Variants in SLIT2 observed in about 807,000 individuals in gnomAD.
The protein encoded by SLIT2 is slit homolog 2 protein.
In SLIT2, 41 loss-of-function variants were observed where a neutral mutation model predicts 185.7. The observed-to-expected ratio is 0.22, with a 90% CI of 0.17 to 0.29. The LOEUF (loss-of-function observed/expected upper bound fraction) is 0.29, where lower values mean the gene tolerates loss of function less well. Among genes scored for constraint, SLIT2 ranks in the 10% least tolerant of loss-of-function variants. The probability of loss-of-function intolerance (pLI) is 1.00; values close to 1 mark genes in which losing one functional copy is unlikely to be tolerated. For synonymous variants in SLIT2, 693 were observed against 680.2 expected (o/e 1.02, Z -0.29); for missense variants, 1,571 against 1,909.0 (o/e 0.82, Z 3.30).
chr4:20,374,989 C>A (rs1011108513), intron 4 of SLIT2, among the ~76,000 whole-genome samples: 18 of 150,350 alleles, frequency 1.2e-4, no homozygotes, highest in Admixed American at 7.9e-4. Flanking sequence ...CTTTTTTTTT[C>A]TTCCTTATAG....
intron 33 of SLIT2, among the ~76,000 whole-genome samples, chr4:20,604,495 G>A (rs572742303): frequency 6.6e-6 from 1 of 150,872 alleles, no homozygotes; most frequent in Non-Finnish European, 1.5e-5. Context: ...GACTACAGGC[G>A]CTCACCCCTA....
chr4:20,478,417 C>T (rs1028538688), intron 5 of SLIT2, among the ~76,000 whole-genome samples: 5 of 152,158 alleles, frequency 3.3e-5, no homozygotes, highest in Non-Finnish European at 5.9e-5. Flanking sequence ...TATTAAAGAA[C>T]AATGAAATTA....
At chr4:20,300,960 T>C (rs1716985776) in intron 4 of SLIT2, among the ~76,000 whole-genome samples, 1 of 152,076 alleles carries the variant, frequency 6.6e-6, no homozygotes. Context: ...TAAAAAGTAA[T>C]CTCATTAGCC....
intron 4 of SLIT2, among the ~76,000 whole-genome samples, chr4:20,318,144 G>T (rs1718753497): frequency 6.6e-6 from 1 of 152,078 alleles, no homozygotes; most frequent in South Asian, 2.1e-4. Context: ...TGAAAGCTTT[G>T]TTTCTGCAAT....
chr4:20,573,945 T>C, intron 29 of SLIT2, among the ~76,000 whole-genome samples: 1 of 148,960 alleles, frequency 6.7e-6, no homozygotes, highest in South Asian at 2.1e-4. Flanking sequence ...TTATTTTATT[T>C]ATTTATTTAT....
intron 9 of SLIT2, among the ~76,000 whole-genome samples, chr4:20,501,681 T>C (rs1718751725): frequency 6.6e-6 from 1 of 152,202 alleles, no homozygotes; most frequent in Admixed American, 6.5e-5. Flanking sequence ...AAAAGAATTA[T>C]GTAAAATACA....
chr4:20,512,521 GT>G (rs1161021714), intron 11 of SLIT2, among the ~76,000 whole-genome samples: 1 of 152,150 alleles, frequency 6.6e-6, no homozygotes, highest in Admixed American at 6.6e-5. Flanking sequence ...AGGAACAATT[GT>G]TGGCAGAAAA....
At chr4:20,596,331 A>G (rs953969727) in intron 31 of SLIT2, 84 bp from the exon 32 acceptor site, 14 of 1,273,124 alleles carry the variant, frequency 1.1e-5, no homozygotes, top group East Asian at 2.3e-5. Context: ...TATATAATAT[A>G]CAGTTATGTT....
chr4:20,564,365 G>T (rs1382729671), intron 26 of SLIT2, among the ~76,000 whole-genome samples: 1 of 151,848 alleles, frequency 6.6e-6, no homozygotes, highest in African/African-American at 2.4e-5. Context: ...GATAAACCAG[G>T]TAGATGTAAA....
At chr4:20,294,259 G>C (rs1288581307) in intron 4 of SLIT2, among the ~76,000 whole-genome samples, 1 of 151,200 alleles carries the variant, frequency 6.6e-6, no homozygotes, top group Admixed American at 6.6e-5. Context: ...TGACGCACAA[G>C]AATTGCTTGA....
intron 29 of SLIT2, among the ~76,000 whole-genome samples, chr4:20,581,032 G>T (rs551361937): frequency 6.6e-6 from 1 of 152,204 alleles, no homozygotes; most frequent in Non-Finnish European, 1.5e-5. Flanking sequence ...CAGTGATTTG[G>T]AATTTACTAC....
intron 4 of SLIT2, among the ~76,000 whole-genome samples, chr4:20,457,136 C>A (rs1713164378): frequency 6.6e-6 from 1 of 151,954 alleles, no homozygotes; most frequent in Non-Finnish European, 1.5e-5. Flanking sequence ...ATTTTCTAAT[C>A]ATTGATGGGC....
chr4:20,480,835 G>A (rs751735207), intron 6 of SLIT2, 48 bp downstream of exon 6: 2 of 1,369,232 alleles, frequency 1.5e-6, no homozygotes, highest in East Asian at 2.3e-5. Flanking sequence ...CTTTGTGTCT[G>A]GACAGGACTA....
At chr4:20,464,192 C>CT (rs1714090095) in intron 4 of SLIT2, among the ~76,000 whole-genome samples, 2 of 152,148 alleles carry the variant, frequency 1.3e-5, no homozygotes, top group African/African-American at 4.8e-5. Context: ...TTTTCCCCTG[C>CT]TGTCATATAA....
chr4:20,417,435 T>TGTATATATATATATATATATATAC (rs1019050371), intron 4 of SLIT2, among the ~76,000 whole-genome samples: 5 of 133,442 alleles, frequency 3.7e-5, no homozygotes, highest in African/African-American at 8.2e-5. Flanking sequence ...TATGTGTGTG[T>TGTATATATATATATATATATATAC]GTATATATAT....
chr4:20,362,060 G>A (rs976502892), intron 4 of SLIT2, among the ~76,000 whole-genome samples: 2 of 152,054 alleles, frequency 1.3e-5, no homozygotes, highest in African/African-American at 4.8e-5. Flanking sequence ...CGTTCTCTTG[G>A]TGAAAAGTAC....
rs150666736 is a variant in SLIT2 at position 20,383,758 on chromosome 4, A to T, written c.396-83994A>T. 5.2e-3 allele frequency among the ~76,000 whole-genome samples: 789 copies of T among 152,206 alleles called. 10 individuals carry two copies. Among genetic ancestry groups the T allele is most frequent in the African/African-American group, 0.018 (735 of 41,518 alleles). On this transcript the variant is annotated intron_variant, in intron 4 of 36. Transcript: ENST00000504154. Reference sequence around the variant, plus strand: ...CTCTGTGTTGCCCAGGCTGGAGTACAGTGGCACAATCTCGGCTCACTGCAA... The same window carrying T: ...CTCTGTGTTGCCCAGGCTGGAGTACTGTGGCACAATCTCGGCTCACTGCAA...
In SLIT2 at chr4:20,267,070, G is replaced by A. The variant is rs1473036854; in HGVS notation, c.324-1740G>A. On this transcript the variant is annotated intron_variant, in intron 3 of 36. Transcript: ENST00000504154. ...TTGGACAATGGAGGTCCTTCCAAGAGTGGTTGCATTCCTAGAAAAAAATCT... is the reference window on the plus strand; with the variant it reads ...TTGGACAATGGAGGTCCTTCCAAGAATGGTTGCATTCCTAGAAAAAAATCT... Among the ~76,000 whole-genome samples the A allele has an allele frequency of 2.6e-5, 4 of 151,842 alleles. No homozygotes were observed. In the East Asian group the frequency reaches 7.8e-4, roughly 29 times the overall value.
chr4:20,394,965 G>A (rs1725766013), intron 4 of SLIT2: 1 of 151,916 alleles, frequency 6.6e-6, no homozygotes, highest in Non-Finnish European at 1.5e-5. Flanking sequence ...GTTGTTGGTG[G>A]TGGTGGCTGC....
Sources: gnomAD v4.1 joint callset for allele counts (sites outside exome capture counted in the v4.1 genomes callset) on GRCh38, gnomAD v4.1.1 for gene constraint, MANE v1.5 for transcripts, NCBI Gene and HGNC (gene_info 2026-07-23, HGNC 2026-07-21) for gene names.